The following ARHGAP8 variants were observed in gnomAD, a reference collection of about 807,000 sequenced individuals.
The protein encoded by ARHGAP8 is rho GTPase-activating protein 8.
In ARHGAP8, 62 loss-of-function variants were observed where a neutral mutation model predicts 46.1. The observed-to-expected ratio is 1.34, with a 90% CI of 1.10 to 1.66. ARHGAP8 has a LOEUF of 1.66. ARHGAP8 is among the 40% of genes most tolerant of loss of function. ARHGAP8 has a pLI of 0.00. For synonymous variants in ARHGAP8, 375 were observed against 243.1 expected, an observed-to-expected ratio of 1.54 and a Z score of -5.05; for missense variants, 923 against 568.4, an observed-to-expected ratio of 1.62 and a Z score of -6.34.
intron 5 of ARHGAP8, among the ~76,000 whole-genome samples, chr22:44,819,158 T>C (rs1159328214): frequency 1.3e-5 from 2 of 152,184 alleles, no homozygotes; most frequent in Non-Finnish European, 2.9e-5. Context: ...AGCCTCGAAC[T>C]CCTGGACTCA....
chr22:44,861,803 G>T (rs2070500032), intron 11 of ARHGAP8, among the ~76,000 whole-genome samples: 1 of 152,256 alleles, frequency 6.6e-6, no homozygotes, highest in Admixed American at 6.5e-5. Flanking sequence ...GCACGTGTTG[G>T]CGGAGATGGA....
intron 5 of ARHGAP8, among the ~76,000 whole-genome samples, chr22:44,821,863 C>T (rs1162756862): frequency 6.6e-6 from 1 of 152,098 alleles, no homozygotes; most frequent in Non-Finnish European, 1.5e-5. Context: ...CCCTGGGGTC[C>T]GAGAGACTGT....
chr22:44,841,637 G>A (rs542535812), intron 7 of ARHGAP8, among the ~76,000 whole-genome samples: 1 of 152,112 alleles, frequency 6.6e-6, no homozygotes, highest in Non-Finnish European at 1.5e-5. Flanking sequence ...TTTCTTTCTC[G>A]CTAAGGTTGG....
intron 1 of ARHGAP8, among the ~76,000 whole-genome samples, chr22:44,756,404 G>T (rs1021320083): frequency 6.6e-6 from 1 of 152,094 alleles, no homozygotes; most frequent in Non-Finnish European, 1.5e-5. Flanking sequence ...TCTCCAAAGC[G>T]GACCCCACGC....
At chr22:44,816,978 T>TG (rs1929799038) in intron 5 of ARHGAP8, among the ~76,000 whole-genome samples, 1 of 150,004 alleles carries the variant, frequency 6.7e-6, no homozygotes. Context: ...CTCTGCCTCC[T>TG]GGGTTCAAGC....
At chr22:44,861,455 GGGGGACCGGCAGCCA>G (rs1433270887) in intron 11 of ARHGAP8, among the ~76,000 whole-genome samples, 4 of 118,222 alleles carry the variant, frequency 3.4e-5, no homozygotes, top group African/African-American at 6.2e-5. Context: ...CAACGGGCTT[GGGGGACCGGCAGCCA>G]GGGGGAGCCT....
At chr22:44,809,277 TG>T (rs1463782868) in intron 4 of ARHGAP8, 3 of 429,884 alleles carry the variant, frequency 7.0e-6, no homozygotes, top group African/African-American at 2.1e-5. Context: ...AATATTCTTC[TG>T]TTTTTTTTTT....
At chr22:44,859,127 G>A (rs1378912757) in intron 10 of ARHGAP8, among the ~76,000 whole-genome samples, 1 of 152,186 alleles carries the variant, frequency 6.6e-6, no homozygotes, top group Non-Finnish European at 1.5e-5. Flanking sequence ...GCAGCTTCCT[G>A]GAAGGTGGTG....
intron 1 of ARHGAP8, among the ~76,000 whole-genome samples, chr22:44,783,465 G>A (rs1378274331): frequency 6.6e-6 from 1 of 152,160 alleles, no homozygotes; most frequent in Non-Finnish European, 1.5e-5. Context: ...GCAGCCAGAG[G>A]GATCCTGGAA....
At chr22:44,859,912 C>G in intron 11 of ARHGAP8, 78 bp downstream of exon 11, 1 of 1,510,180 alleles carries the variant, frequency 6.6e-7, no homozygotes, top group Non-Finnish European at 9.0e-7. Context: ...GACCAGTCCC[C>G]TCCTTGCCCT....
chr22:44,861,596 T>G (rs996057674), intron 11 of ARHGAP8, among the ~76,000 whole-genome samples: 2 of 152,136 alleles, frequency 1.3e-5, no homozygotes, highest in Non-Finnish European at 2.9e-5. Flanking sequence ...TCATGACCCC[T>G]GTTTCTGACT....
At chr22:44,774,013 C>T (rs1047750567) in intron 1 of ARHGAP8, among the ~76,000 whole-genome samples, 1 of 152,218 alleles carries the variant, frequency 6.6e-6, no homozygotes, top group African/African-American at 2.4e-5. Context: ...CTTATATTCT[C>T]TCTATGAGGA....
chr22:44,815,558 G>A (rs1016283870), intron 5 of ARHGAP8, among the ~76,000 whole-genome samples: 2 of 152,110 alleles, frequency 1.3e-5, no homozygotes, highest in South Asian at 4.1e-4. Flanking sequence ...TCTTTGGAAC[G>A]TGTGGGGCTT....
At chr22:44,766,359 G>A (rs1925562149) in intron 1 of ARHGAP8, among the ~76,000 whole-genome samples, 1 of 152,124 alleles carries the variant, frequency 6.6e-6, no homozygotes, top group Non-Finnish European at 1.5e-5. Flanking sequence ...GGAGTCTGAC[G>A]GCCCAGAACT....
At chr22:44,794,037 C>T (rs1043021924) in intron 2 of ARHGAP8, among the ~76,000 whole-genome samples, 3 of 152,284 alleles carry the variant, frequency 2.0e-5, no homozygotes, top group Admixed American at 6.5e-5. Context: ...CAGAGGAAGG[C>T]GCGGAGGCTT....
chr22:44,818,398 G>A (rs1019756467), intron 5 of ARHGAP8, among the ~76,000 whole-genome samples: 2 of 143,662 alleles, frequency 1.4e-5, no homozygotes, highest in Admixed American at 6.9e-5. Context: ...GCGGTGAGCC[G>A]AGATCACACC....
chr22:44,807,986 A>T (rs1452404916), intron 3 of ARHGAP8, among the ~76,000 whole-genome samples: 1 of 152,106 alleles, frequency 6.6e-6, no homozygotes, highest in African/African-American at 2.4e-5. Flanking sequence ...CCTAAATTTA[A>T]TTGCACCTAC....
At chr22:44,807,113 A>G (rs1465904936) in intron 3 of ARHGAP8, among the ~76,000 whole-genome samples, 2 of 152,158 alleles carry the variant, frequency 1.3e-5, no homozygotes, top group African/African-American at 4.8e-5. Flanking sequence ...CTGTCTGCAG[A>G]GCACCCCACC....
chr22:44,771,005 C>T (rs1259023494), intron 1 of ARHGAP8, among the ~76,000 whole-genome samples: 2 of 152,180 alleles, frequency 1.3e-5, no homozygotes, highest in African/African-American at 2.4e-5. Context: ...CAGATCAAAT[C>T]TCTTTCACTG....
Sources: gnomAD v4.1 joint callset for allele counts (sites outside exome capture counted in the v4.1 genomes callset) on GRCh38, gnomAD v4.1.1 for gene constraint, MANE v1.5 for transcripts, NCBI Gene and HGNC (gene_info 2026-07-23, HGNC 2026-07-21) for gene names.